The following PIGN variants were observed in gnomAD, a reference collection of about 807,000 sequenced individuals.
PIGN encodes GPI ethanolamine phosphate transferase 1.
A neutral mutation model predicts 125.4 loss-of-function variants in PIGN; 117 were observed. That is an observed-to-expected ratio of 0.93 (90% CI 0.80 to 1.09). PIGN has a LOEUF of 1.09. PIGN is among the 50% of genes least tolerant of loss of function. The pLI is 0.00. For synonymous variants in PIGN, 392 were observed against 377.8 expected (o/e 1.04, Z -0.44); for missense variants, 1,075 against 1,094.9 (o/e 0.98, Z 0.26).
intron 3 of PIGN, 132 bp from the exon 4 acceptor site, chr18:62,161,517 T>C (rs935975398): frequency 7.4e-6 from 4 of 537,496 alleles, no homozygotes; most frequent in African/African-American, 5.6e-5. Flanking sequence ...TTACTTTCAT[T>C]TGTGGTGGTA....
At chr18:62,141,565 G>A (rs950123141) in intron 11 of PIGN, among the ~76,000 whole-genome samples, 11 of 152,156 alleles carry the variant, frequency 7.2e-5, no homozygotes, top group African/African-American at 2.7e-4. Context: ...TATTTAGATT[G>A]TCATTACCAG....
chr18:62,106,184 CCATT>C (rs2034631624), intron 19 of PIGN, among the ~76,000 whole-genome samples: 1 of 151,970 alleles, frequency 6.6e-6, no homozygotes, highest in Non-Finnish European at 1.5e-5. Flanking sequence ...ATCGATAATC[CCATT>C]CATTGAAGAT....
At chr18:62,067,640 G>A (rs2032601022) in intron 30 of PIGN, among the ~76,000 whole-genome samples, 1 of 152,120 alleles carries the variant, frequency 6.6e-6, no homozygotes, top group Non-Finnish European at 1.5e-5. Context: ...CCATGTAGTT[G>A]AGTTCATCAC....
chr18:62,063,581 A>G (rs1425445373), intron 30 of PIGN, among the ~76,000 whole-genome samples: 1 of 150,652 alleles, frequency 6.6e-6, no homozygotes, highest in African/African-American at 2.4e-5. Context: ...ACTCATGTCC[A>G]TCTGTCTGTC....
intron 30 of PIGN, among the ~76,000 whole-genome samples, chr18:62,055,155 A>G (rs1432396962): frequency 4.6e-5 from 7 of 152,226 alleles, no homozygotes; most frequent in Admixed American, 4.6e-4. Flanking sequence ...CTCAGCAAAT[A>G]TGATTCTGAG....
chr18:62,074,365 T>C (rs1190857412), intron 29 of PIGN, among the ~76,000 whole-genome samples: 1 of 152,200 alleles, frequency 6.6e-6, no homozygotes, highest in Non-Finnish European at 1.5e-5. Context: ...ATTAACATCT[T>C]CCCAACAGAA....
intron 10 of PIGN, among the ~76,000 whole-genome samples, chr18:62,145,013 G>A (rs1235763907): frequency 7.2e-4 from 12 of 16,708 alleles, no homozygotes; most frequent in African/African-American, 5.6e-3. Flanking sequence ...ACTGGCGGGG[G>A]GGGGGGGGCA....
intron 14 of PIGN, among the ~76,000 whole-genome samples, chr18:62,114,911 C>G (rs1474327676): frequency 1.3e-5 from 2 of 152,182 alleles, no homozygotes; most frequent in Non-Finnish European, 2.9e-5. Flanking sequence ...ATGTAATACT[C>G]TGGCTAACAA....
intron 14 of PIGN, among the ~76,000 whole-genome samples, chr18:62,134,639 A>G (rs2035861068): frequency 6.6e-6 from 1 of 152,234 alleles, no homozygotes; most frequent in East Asian, 1.9e-4. Context: ...CTAAAAGCTG[A>G]AAACCAATAC....
intron 14 of PIGN, among the ~76,000 whole-genome samples, chr18:62,133,796 A>C (rs2035826760): frequency 6.6e-6 from 1 of 152,204 alleles, no homozygotes; most frequent in African/African-American, 2.4e-5. Flanking sequence ...ATACTTTTAA[A>C]AATAAGTTTT....
In PIGN at chr18:62,160,974, G is replaced by A. The variant is rs190508007; in HGVS notation, c.221+159C>T. Among the ~76,000 whole-genome samples the A allele has an allele frequency of 1.1e-3, 169 of 152,260 alleles. 1 individual carries two copies. The highest frequency in any genetic ancestry group is 3.8e-3 in the African/African-American group (156 of 41,546). On this transcript the variant is annotated intron_variant, in intron 4 of 30. Coordinates refer to ENST00000640252, the MANE Select transcript of PIGN (RefSeq NM_176787.5). The stretch of plus-strand genomic sequence containing the variant: ...CTAGGAGGAAATAAAGTAGCATCTA[G>A]TGCTGACCCATAAGACAAAGGCAAA...
At chr18:62,095,245 A>G (rs1447839681) in intron 23 of PIGN, among the ~76,000 whole-genome samples, 1 of 152,232 alleles carries the variant, frequency 6.6e-6, no homozygotes, top group Non-Finnish European at 1.5e-5. Context: ...AAAAGCAAGA[A>G]AAGAATTCTT....
downstream of PIGN, among the ~76,000 whole-genome samples, chr18:62,040,422 G>C (rs1043062315): frequency 2.6e-5 from 4 of 152,306 alleles, no homozygotes; most frequent in African/African-American, 7.2e-5. Flanking sequence ...TACTCACTGG[G>C]TATTTTGCCA....
intron 14 of PIGN, among the ~76,000 whole-genome samples, chr18:62,125,662 C>T (rs1009569346): frequency 6.6e-6 from 1 of 151,940 alleles, no homozygotes; most frequent in Non-Finnish European, 1.5e-5. Context: ...GTCCATTTAG[C>T]AACATAATCA....
chr18:62,085,596 G>A (rs759973993), intron 25 of PIGN, among the ~76,000 whole-genome samples: 4 of 152,052 alleles, frequency 2.6e-5, no homozygotes, highest in Non-Finnish European at 5.9e-5. Flanking sequence ...TGGATCTAGT[G>A]TGTATCATAG....
At chr18:62,137,082 G>A (rs986953184) in intron 14 of PIGN, 9 of 398,562 alleles carry the variant, frequency 2.3e-5, no homozygotes, top group Middle Eastern at 6.2e-4. Flanking sequence ...CCACCCTCAA[G>A]TGGGCATCAT....
At chr18:62,080,181 C>T (rs2033380578) in intron 28 of PIGN, among the ~76,000 whole-genome samples, 1 of 152,098 alleles carries the variant, frequency 6.6e-6, no homozygotes, top group Non-Finnish European at 1.5e-5. Flanking sequence ...GTAGCCATGG[C>T]TCTTGTACAG....
intron 29 of PIGN, among the ~76,000 whole-genome samples, chr18:62,074,373 G>A (rs1425511786): frequency 1.3e-5 from 2 of 152,130 alleles, no homozygotes; most frequent in Non-Finnish European, 2.9e-5. Flanking sequence ...CTTCCCAACA[G>A]AAAAGCTGTA....
downstream of PIGN, among the ~76,000 whole-genome samples, chr18:62,037,534 G>A (rs182016622): frequency 7.7e-4 from 118 of 152,312 alleles, 2 homozygotes; most frequent in East Asian, 0.018. Flanking sequence ...TGCCTCTTAC[G>A]GTGATGTAAG....
Sources: allele counts gnomAD v4.1 joint callset (sites outside exome capture counted in the v4.1 genomes callset), GRCh38; gene constraint gnomAD v4.1.1; transcripts MANE v1.5; gene names NCBI Gene and HGNC (gene_info 2026-07-23, HGNC 2026-07-21).